Variants in IFNGR1 observed in about 807,000 individuals in gnomAD.
The protein encoded by IFNGR1 is AVP, type 2.
IFNGR1 carries 23 observed loss-of-function variants against 35.4 expected under a neutral mutation model. The ratio of observed to expected loss-of-function variants is 0.65; its 90% CI spans 0.47 to 0.92. IFNGR1 has a LOEUF of 0.92. Ranked by LOEUF, IFNGR1 falls within the 40% of genes least tolerant of loss-of-function variation. IFNGR1 has a pLI of 0.00. For synonymous variants in IFNGR1, 199 were observed against 209.5 expected (o/e 0.95, Z 0.43); for missense variants, 533 against 583.4 (o/e 0.91, Z 0.89).
chr6:137,210,093 G>C (rs928225965), intron 1 of IFNGR1: 1 of 369,256 alleles, frequency 2.7e-6, no homozygotes, highest in Non-Finnish European at 4.8e-6. Flanking sequence ...GCCCACACCT[G>C]TAATCCCAGC....
intron 6 of IFNGR1, among the ~76,000 whole-genome samples, chr6:137,198,857 T>A (rs1582627946): frequency 6.6e-6 from 1 of 152,188 alleles, no homozygotes; most frequent in African/African-American, 2.4e-5. Flanking sequence ...TACTAATATA[T>A]GTTGCTTTTT....
At chr6:137,199,297 ATAAT>A (rs892217747) in intron 6 of IFNGR1, among the ~76,000 whole-genome samples, 20 of 135,478 alleles carry the variant, frequency 1.5e-4, no homozygotes, top group South Asian at 4.3e-4. Flanking sequence ...TATGAAAAAT[ATAAT>A]TAATATATAT....
At chr6:137,205,324 G>C (rs1554227151) in intron 3 of IFNGR1, among the ~76,000 whole-genome samples, 1 of 152,162 alleles carries the variant, frequency 6.6e-6, no homozygotes, top group Non-Finnish European at 1.5e-5. Context: ...CTAGGGAGGA[G>C]TCAAGTGACT....
At chr6:137,200,671 G>A (rs1040691811) in intron 6 of IFNGR1, among the ~76,000 whole-genome samples, 2 of 149,062 alleles carry the variant, frequency 1.3e-5, no homozygotes, top group Non-Finnish European at 3.0e-5. Context: ...TTGTCTCACC[G>A]TGTTTTTCCC....
chr6:137,198,818 T>C (rs969065182), intron 6 of IFNGR1, among the ~76,000 whole-genome samples, 179 bp from the exon 7 acceptor site: 47 of 152,326 alleles, frequency 3.1e-4, no homozygotes, highest in Middle Eastern at 3.4e-3. Flanking sequence ...AACAAAGTTT[T>C]AGAATTTTTA....
At chr6:137,201,324 G>A (rs17175336) in intron 5 of IFNGR1, among the ~76,000 whole-genome samples, 64 of 152,158 alleles carry the variant, frequency 4.2e-4, no homozygotes, top group African/African-American at 1.5e-3. Context: ...CCAGGGTTAT[G>A]CATTTCTTTC....
In IFNGR1 at chr6:137,207,076, C is replaced by T; in HGVS notation, c.87G>A (p.Val29=). ...MGTADLGPSS[V]PTPTNVTIES... is the part of the protein sequence containing the mutation. ...CAATTGTAACATTAGTTGGTGTAGG[C>T]ACTGTAAGAAAATAAAAAAGTAAAA... Residue 29 remains valine (V), a splice_region_variant and synonymous_variant, in exon 2 of 7, where the codon GTG becomes GTA. Transcript: ENST00000367739. 6.2e-7 allele frequency: 1 copy of T among 1,613,582 alleles called. No homozygotes were observed. The highest frequency in any genetic ancestry group is 2.2e-5 in the East Asian group (1 of 44,838).
chr6:137,203,733 GA>G (rs34561084), intron 4 of IFNGR1, 48 bp from the exon 5 acceptor site: 129,701 of 1,164,156 alleles, frequency 0.11, 2,190 homozygotes, highest in African/African-American at 0.28. Context: ...CTTTTAATCT[GA>G]AAAAAAAAAA....
At chr6:137,199,143 G>T (rs1330576283) in intron 6 of IFNGR1, among the ~76,000 whole-genome samples, 1 of 151,490 alleles carries the variant, frequency 6.6e-6, no homozygotes, top group Non-Finnish European at 1.5e-5. Context: ...TCCTGCCCTT[G>T]AACATCGGAC....
At chr6:137,209,240 G>C (rs2114497498) in intron 1 of IFNGR1, among the ~76,000 whole-genome samples, 1 of 152,334 alleles carries the variant, frequency 6.6e-6, no homozygotes, top group East Asian at 1.9e-4. Flanking sequence ...CCTTGTCTCA[G>C]ATGGGACTTT....
chr6:137,215,455 G>A, intron 1 of IFNGR1: 2 of 867,568 alleles, frequency 2.3e-6, no homozygotes, highest in Non-Finnish European at 3.4e-6. Context: ...CTAGTATTCT[G>A]ATTACTATGC....
rs2114441219 is a variant in IFNGR1 at position 137,198,151 on chromosome 6, T to C, written c.1350A>G (p.Lys450=). 6.2e-7 allele frequency: 1 copy of C among 1,614,140 alleles called. No homozygotes were observed. The highest frequency in any genetic ancestry group is 1.6e-4 in the Middle Eastern group (1 of 6,062). The change falls in exon 7 of 7, where the codon AAA becomes AAG. Residue 450 remains lysine (K), a synonymous_variant. Transcript: ENST00000367739. ...TEGQELITVI[K]APTSFGYDKP... ...TATCATAACCAAAGGAGGTGGGGGC[T>C]TTTATTACGGTTATGAGCTCTTGTC...
intron 5 of IFNGR1, among the ~76,000 whole-genome samples, chr6:137,202,676 T>TATGCTTAAA (rs1779311266): frequency 6.6e-6 from 1 of 151,392 alleles, no homozygotes; most frequent in African/African-American, 2.4e-5. Flanking sequence ...AGTTACAATA[T>TATGCTTAAA]ATGCTTAAAG....
chr6:137,206,870 C>A, intron 2 of IFNGR1, 93 bp downstream of exon 2: 1 of 959,404 alleles, frequency 1.0e-6, no homozygotes, highest in Non-Finnish European at 1.6e-6. Flanking sequence ...TGTTTTGCCA[C>A]GTGGGAAGGC....
rs747769538 is a variant in IFNGR1, at chr6:137,198,314, G to A, written c.1187C>T (p.Ser396Leu). The A allele has an allele frequency of 9.3e-6, 15 of 1,613,310 alleles. No individual in the cohort carries two copies. The highest frequency in any genetic ancestry group is 6.7e-5 in the East Asian group (3 of 44,884). ...CTCAGAACAATTTCTGGAGTGATAC[G>A]AGTTTAAAGCGATGCTGCCAGGTTC... ...QSEPGSIALN[S>L]YHSRNCSESD... The change falls in exon 7 of 7, where the codon TCG (serine) becomes TTG (leucine). Residue 396 changes from serine (S) to leucine (L), a missense_variant. Physicochemically the swap from Ser to Leu is moderately radical, Grantham distance 145. Transcript: ENST00000367739.
intron 1 of IFNGR1, chr6:137,218,932 T>C: frequency 6.2e-6 from 3 of 485,570 alleles, no homozygotes; most frequent in Non-Finnish European, 1.1e-5. Flanking sequence ...CTGTCCCACA[T>C]TGACCAGCAA....
At chr6:137,203,719 G>A in intron 4 of IFNGR1, 34 bp from the exon 5 acceptor site, 1 of 1,550,588 alleles carries the variant, frequency 6.4e-7, no homozygotes, top group Admixed American at 1.8e-5. Context: ...AAAATGCACA[G>A]CTTCTTTTAA....
chr6:137,202,125 G>T (rs1386681423), intron 5 of IFNGR1, among the ~76,000 whole-genome samples: 5 of 152,114 alleles, frequency 3.3e-5, no homozygotes, highest in Admixed American at 3.3e-4. Context: ...TTATTACAGG[G>T]TGTGAAAAAA....
chr6:137,203,355 G>T, intron 5 of IFNGR1, 144 bp downstream of exon 5: 1 of 636,288 alleles, frequency 1.6e-6, no homozygotes. Context: ...TTTTAATTTT[G>T]AACTTCTCTA....
Sources: gnomAD v4.1 joint callset for allele counts (sites outside exome capture counted in the v4.1 genomes callset) on GRCh38, gnomAD v4.1.1 for gene constraint, MANE v1.5 for transcripts, NCBI Gene and HGNC (gene_info 2026-07-23, HGNC 2026-07-21) for gene names.